Variants in PCGF3 observed in about 807,000 individuals in gnomAD.
The protein encoded by PCGF3 is polycomb group RING finger protein 3.
PCGF3 carries 7 observed loss-of-function variants against 33.1 expected under a neutral mutation model. The ratio of observed to expected loss-of-function variants is 0.21; its 90% CI spans 0.12 to 0.40. The LOEUF (loss-of-function observed/expected upper bound fraction) is 0.40, where lower values mean the gene tolerates loss of function less well. Among genes scored for constraint, PCGF3 ranks in the 10% least tolerant of loss-of-function variants. PCGF3 has a pLI of 1.00. For synonymous variants in PCGF3, 153 were observed against 121.3 expected (o/e 1.26, Z -1.72); for missense variants, 211 against 313.3 (o/e 0.67, Z 2.46).
In PCGF3 at chr4:747,955, G is replaced by A. The variant is rs533953527; in HGVS notation, c.462+3267G>A. On this transcript the variant is annotated intron_variant, in intron 8 of 10. Coordinates refer to ENST00000362003, the Ensembl canonical transcript of PCGF3. ...CAGATATAAAACATGGCAGGTCAGT[G>A]GCCGGCTCTGGCCTCAGCCCCATGG... is the stretch of plus-strand genomic sequence containing the variant. 1.2e-4 allele frequency among the ~76,000 whole-genome samples: 18 copies of A among 152,240 alleles called. No individual in the cohort carries two copies. In the South Asian group the frequency reaches 2.5e-3, roughly 21 times the overall value.
chr4:766,262 G>A (rs537417971), exon 11 of PCGF3: 13 of 581,952 alleles, frequency 2.2e-5, no homozygotes, highest in South Asian at 6.1e-5. Flanking sequence ...GTTTACAGAG[G>A]ATGAAAACAC....
intron 1 of PCGF3, among the ~76,000 whole-genome samples, chr4:713,584 G>C (rs1055843684): frequency 7.3e-6 from 1 of 137,816 alleles, no homozygotes; most frequent in Non-Finnish European, 1.6e-5. Flanking sequence ...GTGGCCTCGT[G>C]GGGGGCTATG....
intron 5 of PCGF3, among the ~76,000 whole-genome samples, chr4:735,415 G>C (rs1743783253): frequency 6.6e-6 from 1 of 152,190 alleles, no homozygotes; most frequent in Admixed American, 6.5e-5. Context: ...GTATGGTGGT[G>C]CATGCCTATA....
In PCGF3 at chr4:733,800, T is replaced by C. The variant is rs1410148468; in HGVS notation, c.109+11T>C. The C allele has an allele frequency of 6.2e-7, 1 of 1,613,758 alleles. No homozygotes were observed. Among genetic ancestry groups the C allele is most frequent in the Non-Finnish European group, 8.5e-7 (1 of 1,180,008 alleles). The stretch of plus-strand genomic sequence containing the variant: ...AGTGTCTGCACACCTGTACGTGCCC[T>C]GCCCGCGCCACCCAGGGAGGGCGCG... On this transcript the variant is annotated intron_variant, in intron 4 of 10. Transcript: ENST00000362003.
At chr4:766,721 A>G (rs1745393552) in exon 11 of PCGF3, 1 of 151,972 alleles carries the variant, frequency 6.6e-6, no homozygotes, top group South Asian at 2.1e-4. Flanking sequence ...CGGCACTTGG[A>G]CTCACTCAGA....
chr4:716,464 G>A (rs1244775584), intron 1 of PCGF3, among the ~76,000 whole-genome samples: 4 of 137,708 alleles, frequency 2.9e-5, no homozygotes, highest in African/African-American at 1.1e-4. Flanking sequence ...TGGACACTGC[G>A]AGTGTGAGAA....
intron 8 of PCGF3, among the ~76,000 whole-genome samples, chr4:751,032 G>T (rs942585227): frequency 3.3e-5 from 5 of 150,090 alleles, no homozygotes; most frequent in Non-Finnish European, 7.5e-5. Context: ...TTAACCCGTT[G>T]TCTTTGTTGT....
rs1745276712 is a variant in PCGF3 at position 764,871 on chromosome 4, C to G, written c.601-113C>G. ...CAGCCCCCCCCACCCCATCTCTAGG[C>G]ACGTTCTTGCATGATTGGGGAGGGG... On this transcript the variant is annotated intron_variant, in intron 9 of 10. Coordinates refer to ENST00000362003, the Ensembl canonical transcript of PCGF3. 7.3e-6 allele frequency: 5 copies of G among 685,474 alleles called. No homozygotes were observed. The South Asian group carries it at 8.6e-5, about 12-fold the overall frequency. 42.5% of individuals were successfully genotyped at this position (685,474 alleles called of 1,614,324 possible).
At chr4:712,473 G>T (rs1478067323) in intron 1 of PCGF3, among the ~76,000 whole-genome samples, 1 of 152,182 alleles carries the variant, frequency 6.6e-6, no homozygotes, top group Non-Finnish European at 1.5e-5. Context: ...TTGAGATGGA[G>T]TTTTGCTCTT....
intron 6 of PCGF3, among the ~76,000 whole-genome samples, chr4:739,206 A>G (rs965563632): frequency 6.6e-6 from 1 of 151,866 alleles, no homozygotes; most frequent in Non-Finnish European, 1.5e-5. Context: ...GTTGTTGTTT[A>G]TTTCTTTATT....
At chr4:706,823 G>A (rs189935515) in intron 1 of PCGF3, among the ~76,000 whole-genome samples, 2,231 of 127,978 alleles carry the variant, frequency 0.017, 67 homozygotes, top group South Asian at 0.051. Flanking sequence ...AGGACCGCGG[G>A]AGGGCAGGGA....
intron 6 of PCGF3, 87 bp downstream of exon 6, chr4:737,608 G>A: frequency 2.4e-6 from 2 of 819,550 alleles, no homozygotes; most frequent in East Asian, 4.9e-5. Context: ...TTCTCGGATG[G>A]GAGGCCCCTT....
chr4:743,814 G>C, intron 7 of PCGF3: 1 of 440,640 alleles, frequency 2.3e-6, no homozygotes, highest in South Asian at 2.9e-5. Flanking sequence ...AGGGCCCCCC[G>C]AGAGTGTCTG....
At chr4:740,776 C>A in intron 6 of PCGF3, among the ~76,000 whole-genome samples, 1 of 152,130 alleles carries the variant, frequency 6.6e-6, no homozygotes, top group Non-Finnish European at 1.5e-5. Context: ...TGGTGCGTAG[C>A]CTGGTTGGAA....
Position 722,589 on chromosome 4 carries a change from CG to C in PCGF3, c.-189-8040del, listed in dbSNP as rs1237934935. Among the ~76,000 whole-genome samples the C allele has an allele frequency of 2.0e-4, 23 of 116,616 alleles. 3 individuals are homozygous for C. Among genetic ancestry groups the C allele is most frequent in the Admixed American group, 3.4e-4 (4 of 11,758 alleles). The allele number at this position is 116,616 out of a possible 152,430, so 76.5% of individuals were successfully genotyped here. ...CGCCCGTCCGCGCCGGGTCCACACT[CG>C]CGTCATCGCCCGTCCGCGCCGGGTC... On this transcript the variant is annotated intron_variant, in intron 1 of 10. Transcript: ENST00000362003.
At chr4:709,249 A>G (rs1487335393) in intron 1 of PCGF3, among the ~76,000 whole-genome samples, 1 of 150,960 alleles carries the variant, frequency 6.6e-6, no homozygotes, top group Non-Finnish European at 1.5e-5. Context: ...TGCATGAACA[A>G]ATGAATGAAA....
intron 3 of PCGF3, among the ~76,000 whole-genome samples, chr4:733,199 A>T (rs1743687799): frequency 6.6e-6 from 1 of 151,974 alleles, no homozygotes; most frequent in African/African-American, 2.4e-5. Flanking sequence ...GTGTGAGCAT[A>T]CAGCCCAGAC....
intron 1 of PCGF3, among the ~76,000 whole-genome samples, chr4:716,891 C>G (rs1407012953): frequency 6.9e-6 from 1 of 145,954 alleles, no homozygotes; most frequent in African/African-American, 2.6e-5. Flanking sequence ...TGCTGGGCCC[C>G]TGTGGACACT....
exon 11 of PCGF3, chr4:766,359 G>A (rs1014069472): frequency 2.9e-5 from 10 of 341,238 alleles, no homozygotes; most frequent in African/African-American, 6.4e-5. Context: ...CAGGCAACAC[G>A]GTTCTGAGTC....
Sources: allele counts gnomAD v4.1 joint callset (sites outside exome capture counted in the v4.1 genomes callset), GRCh38; gene constraint gnomAD v4.1.1; transcripts MANE v1.5; gene names NCBI Gene and HGNC (gene_info 2026-07-23, HGNC 2026-07-21).